The following DPYSL3 variants were observed in gnomAD, a reference collection of about 807,000 sequenced individuals.
The protein encoded by DPYSL3 is dihydropyrimidinase like 3, also known as dihydropyrimidinase-related protein 3.
DPYSL3 carries 16 observed loss-of-function variants against 66.1 expected under a neutral mutation model. That is an observed-to-expected ratio of 0.24 (90% CI 0.16 to 0.37). The LOEUF is 0.37. Ranked by LOEUF, DPYSL3 falls within the 10% of genes least tolerant of loss-of-function variation. The pLI is 1.00. For synonymous variants in DPYSL3, 338 were observed against 345.1 expected (o/e 0.98, Z 0.23); for missense variants, 738 against 916.2 (o/e 0.81, Z 2.51).
intron 1 of DPYSL3, among the ~76,000 whole-genome samples, chr5:147,463,420 G>T (rs184455267): frequency 6.6e-6 from 1 of 152,114 alleles, no homozygotes; most frequent in Non-Finnish European, 1.5e-5. Flanking sequence ...CCTAGGCAGC[G>T]TTGACTTGGA....
intron 13 of DPYSL3, among the ~76,000 whole-genome samples, chr5:147,395,258 C>T (rs1757933321): frequency 6.6e-6 from 1 of 152,204 alleles, no homozygotes; most frequent in South Asian, 2.1e-4. Flanking sequence ...AAATCACTAT[C>T]AATTCATAGA....
intron 2 of DPYSL3, among the ~76,000 whole-genome samples, chr5:147,422,666 C>T (rs1752105127): frequency 6.6e-6 from 1 of 151,932 alleles, no homozygotes; most frequent in African/African-American, 2.4e-5. Context: ...AAATACTATG[C>T]AGCCATAAAA....
intron 1 of DPYSL3, among the ~76,000 whole-genome samples, chr5:147,475,325 A>G (rs1263025814): frequency 6.6e-6 from 1 of 152,132 alleles, no homozygotes; most frequent in Non-Finnish European, 1.5e-5. Context: ...CATTGGCAAA[A>G]GATGAGTGAA....
At chr5:147,426,464 A>G (rs1752200536) in intron 1 of DPYSL3, among the ~76,000 whole-genome samples, 1 of 152,106 alleles carries the variant, frequency 6.6e-6, no homozygotes, top group Non-Finnish European at 1.5e-5. Flanking sequence ...TCAGGATTGC[A>G]AGCAGAGGGG....
At chr5:147,444,387 C>T (rs1362098466) in intron 1 of DPYSL3, among the ~76,000 whole-genome samples, 22 of 152,214 alleles carry the variant, frequency 1.4e-4, no homozygotes, top group African/African-American at 5.3e-4. Context: ...ACACAGGGTA[C>T]AATAAATGTG....
intron 1 of DPYSL3, among the ~76,000 whole-genome samples, chr5:147,445,844 A>G (rs1375481017): frequency 6.6e-6 from 1 of 152,194 alleles, no homozygotes; most frequent in East Asian, 1.9e-4. Flanking sequence ...ATGAATCATG[A>G]TATCACTTTA....
intron 6 of DPYSL3, among the ~76,000 whole-genome samples, chr5:147,411,426 T>A (rs796216357): frequency 3.4e-4 from 52 of 152,240 alleles, no homozygotes; most frequent in African/African-American, 1.2e-3. Context: ...AGATATGCCA[T>A]CTCTGAGTAA....
At chr5:147,420,541 G>A (rs747576063) in intron 2 of DPYSL3, among the ~76,000 whole-genome samples, 2 of 152,128 alleles carry the variant, frequency 1.3e-5, no homozygotes, top group Non-Finnish European at 2.9e-5. Flanking sequence ...GTACCATACC[G>A]TGTGACATAG....
chr5:147,399,273 A>G, intron 10 of DPYSL3, 21 bp from the exon 11 acceptor site: 1 of 1,609,972 alleles, frequency 6.2e-7, no homozygotes. Flanking sequence ...ATAAGAAATT[A>G]TATCTATATC....
At chr5:147,431,047 A>C (rs10064194) in intron 1 of DPYSL3, among the ~76,000 whole-genome samples, 53,419 of 152,080 alleles carry the variant, frequency 0.35, 11,377 homozygotes, top group African/African-American at 0.58. Context: ...TAAAATCCAG[A>C]TGAAGGTGCA....
At chr5:147,423,210 A>G (rs189144680) in intron 2 of DPYSL3, among the ~76,000 whole-genome samples, 1 of 152,310 alleles carries the variant, frequency 6.6e-6, no homozygotes, top group Admixed American at 6.5e-5. Flanking sequence ...AATTATTGTC[A>G]TATATTTTGG....
intron 1 of DPYSL3, among the ~76,000 whole-genome samples, chr5:147,478,786 G>A (rs1356969488): frequency 1.3e-5 from 2 of 152,120 alleles, no homozygotes; most frequent in African/African-American, 2.4e-5. Context: ...CTATCTGTCT[G>A]TGGGACCTTG....
rs75795851 is a variant in DPYSL3 at position 147,502,356 on chromosome 5, A to G, written c.381+7122T>C. Among the ~76,000 whole-genome samples the G allele has an allele frequency of 8.2e-5, 12 of 147,192 alleles. No individual in the cohort carries two copies. The East Asian group carries it at 1.6e-3, about 19-fold the overall frequency. On this transcript the variant is annotated intron_variant, in intron 1 of 13. Transcript: ENST00000343218. Reference sequence around the variant, plus strand: ...AATACTGCATCTCCTCACTTTTGGGAAAAAAATGCATGTCACAGATACACA... The same window carrying G: ...AATACTGCATCTCCTCACTTTTGGGGAAAAAATGCATGTCACAGATACACA...
chr5:147,453,847 G>GT (rs367709275), intron 1 of DPYSL3: 43,770 of 702,730 alleles, frequency 0.062, no homozygotes, highest in Middle Eastern at 0.073. Context: ...CCCGGGTTTT[G>GT]TTTTTTTTTT....
At chr5:147,426,080 T>C (rs1398313241) in intron 1 of DPYSL3, among the ~76,000 whole-genome samples, 1 of 152,176 alleles carries the variant, frequency 6.6e-6, no homozygotes, top group Non-Finnish European at 1.5e-5. Context: ...ATTGATTTTA[T>C]GGAGCTTAAA....
intron 1 of DPYSL3, among the ~76,000 whole-genome samples, chr5:147,487,341 C>T (rs1753348578): frequency 6.6e-6 from 1 of 152,158 alleles, no homozygotes; most frequent in African/African-American, 2.4e-5. Flanking sequence ...ATTTTAATTT[C>T]CTCCTCCAAT....
intron 1 of DPYSL3, among the ~76,000 whole-genome samples, chr5:147,478,499 T>C (rs1753193033): frequency 2.0e-5 from 3 of 152,202 alleles, no homozygotes; most frequent in African/African-American, 7.2e-5. Context: ...TTAAGTTTTG[T>C]GGCCTTACAT....
In DPYSL3 at chr5:147,392,874, TG is replaced by T. The variant is rs1262958546; in HGVS notation, c.*1160del. 3 of 152,234 alleles carry T rather than the reference TG, an allele frequency of 2.0e-5. No individual in the cohort carries two copies. Among genetic ancestry groups the T allele is most frequent in the African/African-American group, 7.2e-5 (3 of 41,452 alleles). The allele number at this position is 152,234 out of a possible 1,614,324, so 9.4% of individuals were successfully genotyped here. A position where few individuals can be genotyped will look rare whatever the true frequency, so the allele number is the denominator to read the frequency against. Reference sequence around the variant, plus strand: ...TGCTCCCTCTGCTCAAGACTGACTTTGGCTTTCCCAGTTCCCCACTTGACTT... The same window carrying T: ...TGCTCCCTCTGCTCAAGACTGACTTTGCTTTCCCAGTTCCCCACTTGACTT... On this transcript the variant is annotated 3_prime_UTR_variant, in exon 14 of 14. Coordinates refer to ENST00000343218, the MANE Select transcript of DPYSL3 (RefSeq NM_001197294.2).
At chr5:147,408,493 G>A (rs920724294) in intron 7 of DPYSL3, among the ~76,000 whole-genome samples, 6 of 152,174 alleles carry the variant, frequency 3.9e-5, no homozygotes, top group Non-Finnish European at 7.3e-5. Flanking sequence ...TAACACTCCT[G>A]AATAGCTGTG....
Sources: gnomAD v4.1 joint callset for allele counts (sites outside exome capture counted in the v4.1 genomes callset) on GRCh38, gnomAD v4.1.1 for gene constraint, MANE v1.5 for transcripts, NCBI Gene and HGNC (gene_info 2026-07-23, HGNC 2026-07-21) for gene names.